FSTL4: variants seen among roughly 807,000 people sequenced by gnomAD.
The protein encoded by FSTL4 is follistatin-related protein 4.
FSTL4 carries 28 observed loss-of-function variants against 78.2 expected under a neutral mutation model. The ratio of observed to expected loss-of-function variants is 0.36; its 90% confidence interval spans 0.27 to 0.49. The LOEUF (loss-of-function observed/expected upper bound fraction) is 0.49. Among genes scored for constraint, FSTL4 ranks in the 20% least tolerant of loss-of-function variants. The pLI is 0.98. For missense variants in FSTL4, 922 were observed against 1,084.9 expected (o/e 0.85, Z 2.11); for synonymous variants, 422 against 440.5 (o/e 0.96, Z 0.53).
chr5:133,431,292 C>T (rs780876256), intron 3 of FSTL4, among the ~76,000 whole-genome samples: 5 of 152,172 alleles, frequency 3.3e-5, no homozygotes, highest in African/African-American at 9.7e-5. Context: ...TCCTCTGAGA[C>T]GTAGAGTACA....
At chr5:133,206,083 A>G (rs907816477) in intron 14 of FSTL4, among the ~76,000 whole-genome samples, 5 of 152,224 alleles carry the variant, frequency 3.3e-5, no homozygotes, top group Non-Finnish European at 5.9e-5. Context: ...ATCAGGTTTT[A>G]TAATCACAAT....
intron 6 of FSTL4, among the ~76,000 whole-genome samples, chr5:133,285,839 C>A (rs1053023105): frequency 4.6e-5 from 7 of 152,252 alleles, no homozygotes; most frequent in African/African-American, 1.7e-4. Flanking sequence ...GATGGGCCTG[C>A]AGGCTAGGCC....
At chr5:133,441,953 A>G (rs937256146) in intron 3 of FSTL4, among the ~76,000 whole-genome samples, 1 of 152,208 alleles carries the variant, frequency 6.6e-6, no homozygotes, top group Non-Finnish European at 1.5e-5. Flanking sequence ...CCAATCAACC[A>G]GTGAGTTGCT....
chr5:133,395,393 C>T (rs546096099), intron 4 of FSTL4, among the ~76,000 whole-genome samples: 31 of 152,220 alleles, frequency 2.0e-4, no homozygotes, highest in South Asian at 8.3e-4. Flanking sequence ...CTGAAGCCAG[C>T]GAGACCACGA....
chr5:133,683,771 G>C, the FSTL4 span, among the ~76,000 whole-genome samples: 1 of 151,996 alleles, frequency 6.6e-6, no homozygotes. Context: ...GGATTAAAGA[G>C]GTGATGAAGC....
the FSTL4 span, among the ~76,000 whole-genome samples, chr5:133,780,740 G>C: frequency 7.5e-6 from 1 of 132,724 alleles, no homozygotes; most frequent in South Asian, 2.8e-4. Context: ...CGATGAGGTA[G>C]GTACTATTAT....
At chr5:133,816,674 A>G in the FSTL4 span, among the ~76,000 whole-genome samples, 1 of 152,210 alleles carries the variant, frequency 6.6e-6, no homozygotes, top group Admixed American at 6.5e-5. Context: ...TCCAAACCCC[A>G]CGAGTGTCAT....
intron 7 of FSTL4, 117 bp downstream of exon 7, chr5:133,249,293 C>T (rs1169095836): frequency 1.2e-6 from 1 of 805,406 alleles, no homozygotes; most frequent in South Asian, 1.6e-5. Context: ...TAGAAAAGCA[C>T]CAAACACAGG....
intron 3 of FSTL4, among the ~76,000 whole-genome samples, chr5:133,514,230 T>C (rs978814851): frequency 2.1e-5 from 3 of 142,386 alleles, no homozygotes; most frequent in Non-Finnish European, 4.7e-5. Flanking sequence ...TAATAAACCG[T>C]TGGTTCAGGG....
At chr5:133,423,155 G>A (rs67566211) in intron 3 of FSTL4, among the ~76,000 whole-genome samples, 6 of 152,120 alleles carry the variant, frequency 3.9e-5, no homozygotes, top group Admixed American at 6.5e-5. Flanking sequence ...GAGCTGGCCC[G>A]CTGGCTTTGT....
chr5:133,442,321 C>T (rs763311160), intron 3 of FSTL4, among the ~76,000 whole-genome samples: 1 of 152,204 alleles, frequency 6.6e-6, no homozygotes, highest in East Asian at 1.9e-4. Context: ...TCCCTTTCAG[C>T]TCCCAATAAC....
intron 3 of FSTL4, among the ~76,000 whole-genome samples, chr5:133,444,839 A>G (rs1469382462): frequency 1.3e-5 from 2 of 152,140 alleles, no homozygotes; most frequent in Non-Finnish European, 2.9e-5. Flanking sequence ...CACCCACTCC[A>G]CTAAGCCCAT....
chr5:133,791,331 C>T, the FSTL4 span, among the ~76,000 whole-genome samples: 1 of 152,148 alleles, frequency 6.6e-6, no homozygotes, highest in South Asian at 2.1e-4. Context: ...TCATCCTACT[C>T]ATTCTTGTTT....
At chr5:133,718,256 T>G in the FSTL4 span, among the ~76,000 whole-genome samples, 6 of 152,146 alleles carry the variant, frequency 3.9e-5, no homozygotes, top group African/African-American at 1.4e-4. Flanking sequence ...ATTTTTGACA[T>G]TTTTAGTAGA....
chr5:133,442,132 G>C (rs1227522003), intron 3 of FSTL4, among the ~76,000 whole-genome samples: 1 of 152,232 alleles, frequency 6.6e-6, no homozygotes. Flanking sequence ...TCCATGCAAA[G>C]GTCTCAACTG....
At chr5:133,450,626 G>A (rs1411369966) in intron 3 of FSTL4, among the ~76,000 whole-genome samples, 5 of 152,218 alleles carry the variant, frequency 3.3e-5, no homozygotes, top group African/African-American at 7.2e-5. Flanking sequence ...TTTAAATAAC[G>A]GTGGTTTAAC....
chr5:133,506,824 T>C (rs995019442), intron 3 of FSTL4, among the ~76,000 whole-genome samples: 20 of 152,174 alleles, frequency 1.3e-4, no homozygotes, highest in African/African-American at 4.6e-4. Flanking sequence ...TGGATAAATA[T>C]TTGTTGGAGG....
intron 6 of FSTL4, among the ~76,000 whole-genome samples, chr5:133,250,505 G>A (rs1158072435): frequency 6.6e-6 from 1 of 152,216 alleles, no homozygotes; most frequent in Non-Finnish European, 1.5e-5. Context: ...GTACTATTTT[G>A]TCTATTCCCT....
intron 2 of FSTL4, among the ~76,000 whole-genome samples, chr5:133,601,535 G>A (rs1201970237): frequency 2.6e-5 from 4 of 152,322 alleles, no homozygotes; most frequent in Non-Finnish European, 4.4e-5. Context: ...GAGACAGCAC[G>A]CTCTGCACGA....
Sources: allele counts gnomAD v4.1 joint callset (sites outside exome capture counted in the v4.1 genomes callset), GRCh38; gene constraint gnomAD v4.1.1; transcripts MANE v1.5; gene names NCBI Gene and HGNC (gene_info 2026-07-23, HGNC 2026-07-21).